Variants in THADA observed in about 807,000 individuals in gnomAD.
THADA encodes the protein THADA armadillo repeat containing, also known as tRNA (32-2'-O)-methyltransferase regulator THADA.
A neutral mutation model predicts 219.8 loss-of-function variants in THADA; 213 were observed. The observed-to-expected ratio is 0.97, with a 90% confidence interval of 0.87 to 1.09. The LOEUF (loss-of-function observed/expected upper bound fraction) is 1.09. Among genes scored for constraint, THADA ranks in the 50% least tolerant of loss-of-function variants. The probability of loss-of-function intolerance (pLI) is 0.00; values close to 1 mark genes in which losing one functional copy is unlikely to be tolerated. For missense variants in THADA, 2,956 were observed against 2,311.3 expected (o/e 1.28, Z -5.72); for synonymous variants, 1,018 against 828.9 (o/e 1.23, Z -3.92).
intron 36 of THADA, among the ~76,000 whole-genome samples, chr2:43,233,591 G>A (rs966938277): frequency 9.9e-5 from 15 of 152,128 alleles, no homozygotes; most frequent in African/African-American, 3.6e-4. Flanking sequence ...CCTCTGTCTC[G>A]GAGTTTTTTG....
At chr2:43,583,355 C>T (rs1700663517) in intron 7 of THADA, among the ~76,000 whole-genome samples, 1 of 152,312 alleles carries the variant, frequency 6.6e-6, no homozygotes, top group African/African-American at 2.4e-5. Context: ...AACTCCACTG[C>T]TACATCTTGG....
In THADA at chr2:43,398,091, G is replaced by A. The variant is rs374526686; in HGVS notation, c.4107C>T (p.Ala1369=). Residue 1369 remains alanine, a synonymous_variant, in exon 29 of 38, where the codon GCC becomes GCT. Coordinates refer to ENST00000405975, the MANE Select transcript of THADA (RefSeq NM_022065.5). ...VYHSREMAAR[A]LVPFVMIDHI... is the part of the protein sequence containing the mutation. ...GATCTATCATAACAAATGGGACCAA[G>A]GCACGAGCTGCCATTTCACGGGAGT... 17 of 1,613,852 alleles carry A rather than the reference G, an allele frequency of 1.1e-5. No homozygotes were observed. The African/African-American group carries it at 2.1e-4, about 20-fold the overall frequency.
Position 43,570,271 on chromosome 2 carries a change from G to A in THADA, c.2187+117C>T, listed in dbSNP as rs893431363. 2.8e-6 allele frequency: 3 copies of A among 1,084,842 alleles called. No individual in the cohort carries two copies. The African/African-American group carries it at 4.9e-5, about 18-fold the overall frequency. 67.2% of individuals were successfully genotyped at this position (1,084,842 alleles called of 1,614,324 possible). A position where few individuals can be genotyped will look rare whatever the true frequency, so the allele number is the denominator to read the frequency against. On this transcript the variant is annotated intron_variant, in intron 14 of 37. Transcript: ENST00000405975. ...GAAATAGGTAATACTCAGCTTGAAG[G>A]AAAAAAACACAGAAACACAATTTAC...
intron 26 of THADA, among the ~76,000 whole-genome samples, chr2:43,483,047 A>C (rs1345835845): frequency 6.6e-6 from 1 of 152,204 alleles, no homozygotes; most frequent in Admixed American, 6.5e-5. Flanking sequence ...ATTTCCCATT[A>C]GATGGAAAAA....
At chr2:43,469,165 G>C (rs980653033) in intron 26 of THADA, among the ~76,000 whole-genome samples, 5 of 152,168 alleles carry the variant, frequency 3.3e-5, no homozygotes, top group Non-Finnish European at 7.4e-5. Context: ...AGCAAAAGAG[G>C]AGGGACAGGC....
chr2:43,401,616 A>G (rs1047782731), intron 28 of THADA, among the ~76,000 whole-genome samples: 1 of 152,220 alleles, frequency 6.6e-6, no homozygotes, highest in African/African-American at 2.4e-5. Flanking sequence ...CTTGCATCAC[A>G]CAATTGTACA....
chr2:43,470,975 G>C (rs1234356850), intron 26 of THADA, among the ~76,000 whole-genome samples: 1 of 152,154 alleles, frequency 6.6e-6, no homozygotes, highest in African/African-American at 2.4e-5. Context: ...GGACCTGAGG[G>C]ACAAAAGACT....
chr2:43,329,390 T>A (rs1050368660), intron 30 of THADA, among the ~76,000 whole-genome samples: 1 of 152,196 alleles, frequency 6.6e-6, no homozygotes, highest in African/African-American at 2.4e-5. Flanking sequence ...CTGCCTGAGC[T>A]ATGTAAATCA....
intron 1 of THADA, 129 bp from the exon 2 acceptor site, chr2:43,592,545 A>C: frequency 1.9e-6 from 1 of 522,948 alleles, no homozygotes; most frequent in South Asian, 3.4e-5. Flanking sequence ...CCCCATCTCT[A>C]CCCACTAGAT....
intron 30 of THADA, among the ~76,000 whole-genome samples, chr2:43,321,901 T>C (rs112461591): frequency 1.5e-4 from 23 of 152,338 alleles, no homozygotes; most frequent in Middle Eastern, 3.4e-3. Flanking sequence ...TGAGTTTCCA[T>C]GTGGCTTAAT....
intron 21 of THADA, among the ~76,000 whole-genome samples, chr2:43,531,362 G>C (rs943907601): frequency 1.3e-5 from 2 of 152,202 alleles, no homozygotes; most frequent in Non-Finnish European, 2.9e-5. Context: ...CTACCTGCCA[G>C]ATACTTTGCT....
At chr2:43,366,412 A>T (rs1332352640) in intron 29 of THADA, among the ~76,000 whole-genome samples, 1 of 152,234 alleles carries the variant, frequency 6.6e-6, no homozygotes, top group East Asian at 1.9e-4. Flanking sequence ...ACAGATAAAG[A>T]GGTCAGAGTG....
chr2:43,286,919 T>G lies in THADA; in HGVS notation c.5153A>C (p.His1718Pro), dbSNP rs1283842766. 1.2e-6 allele frequency: 2 copies of G among 1,611,688 alleles called. No homozygotes were observed. Among genetic ancestry groups the G allele is most frequent in the South Asian group, 2.2e-5 (2 of 90,968 alleles). Residue 1718 changes from histidine (H) to proline (P), a missense_variant, in exon 35 of 38, where the codon CAT (histidine) becomes CCT (proline). Physicochemically the swap from His to Pro is moderately conservative, Grantham distance 77. Transcript: ENST00000405975. ...STTPLFLTNPHPILELQDTLA... is the reference protein window; with the variant it reads ...STTPLFLTNPPPILELQDTLA... ...CTCGGCGCACTTACCAAGAATAGGA[T>G]GGGGGTTGGTGAGGAAAAGTGGTGT...
intron 14 of THADA, among the ~76,000 whole-genome samples, chr2:43,569,769 C>G (rs1699094648): frequency 6.6e-6 from 1 of 152,172 alleles, no homozygotes; most frequent in African/African-American, 2.4e-5. Flanking sequence ...GGGTCTGCTT[C>G]TCAAAGGCTA....
chr2:43,481,494 T>G (rs1409960852), intron 26 of THADA, among the ~76,000 whole-genome samples: 1 of 152,184 alleles, frequency 6.6e-6, no homozygotes, highest in African/African-American at 2.4e-5. Context: ...CCAAATCTAC[T>G]CATTTCCCAA....
chr2:43,419,913 C>A (rs1416879248), intron 28 of THADA, among the ~76,000 whole-genome samples: 1 of 152,200 alleles, frequency 6.6e-6, no homozygotes, highest in East Asian at 1.9e-4. Context: ...ACCAAAGGTG[C>A]ACCATCAATG....
intron 26 of THADA, among the ~76,000 whole-genome samples, chr2:43,437,389 C>G (rs942194144): frequency 6.6e-6 from 1 of 152,016 alleles, no homozygotes; most frequent in Non-Finnish European, 1.5e-5. Flanking sequence ...TACCATAGAC[C>G]CTGTTGGTTT....
intron 21 of THADA, among the ~76,000 whole-genome samples, chr2:43,540,885 G>C (rs1046048393): frequency 2.0e-5 from 3 of 152,106 alleles, no homozygotes; most frequent in African/African-American, 7.2e-5. Context: ...TATGTGAAAT[G>C]GAGAAATAAA....
chr2:43,587,554 A>G (rs1048219705), intron 4 of THADA, among the ~76,000 whole-genome samples: 1 of 152,036 alleles, frequency 6.6e-6, no homozygotes, highest in African/African-American at 2.4e-5. Context: ...CTTCAAATAT[A>G]CCCAGCAATC....
Sources: allele counts gnomAD v4.1 joint callset (sites outside exome capture counted in the v4.1 genomes callset), GRCh38; gene constraint gnomAD v4.1.1; transcripts MANE v1.5; gene names NCBI Gene and HGNC (gene_info 2026-07-23, HGNC 2026-07-21).